The following RAG1 variants were observed in gnomAD, a reference collection of about 807,000 sequenced individuals.
RAG1 encodes the protein recombination activating 1.
In RAG1, 35 loss-of-function variants were observed where a neutral mutation model predicts 62.7. That is an observed-to-expected ratio of 0.56 (90% CI 0.43 to 0.74). RAG1 has a LOEUF of 0.74. Among genes scored for constraint, RAG1 ranks in the 30% least tolerant of loss-of-function variants. The pLI, the probability that RAG1 is intolerant of heterozygous loss-of-function variation, is 0.00. For missense variants in RAG1, 1,169 were observed against 1,278.6 expected (o/e 0.91, Z 1.31); for synonymous variants, 461 against 470.3 (o/e 0.98, Z 0.26).
At position 36,547,231 on chromosome 11, in the gene RAG1, G is replaced by T. The variant is rs532970177; in HGVS notation, c.-412+11197G>T. On this transcript the variant is annotated intron_variant and NMD_transcript_variant, in intron 3 of 9. Coordinates refer to the RAG1 transcript ENST00000534663. ...ATAATAAAAAGAACTAGAGAAGCAAGAACAAACAAATTCAAAAGTTAGCAG... is the reference window on the plus strand; with the variant it reads ...ATAATAAAAAGAACTAGAGAAGCAATAACAAACAAATTCAAAAGTTAGCAG... 2.6e-5 allele frequency among the ~76,000 whole-genome samples: 4 copies of T among 152,120 alleles called. No individual in the cohort carries two copies. The South Asian group carries it at 8.3e-4, about 32-fold the overall frequency.
chr11:36,513,506 G>A (rs1174750949), intron 1 of RAG1, among the ~76,000 whole-genome samples: 2 of 152,200 alleles, frequency 1.3e-5, no homozygotes, highest in Non-Finnish European at 2.9e-5. Context: ...CATTATAAGT[G>A]TGTGTGGCAG....
chr11:36,564,136 C>T (rs1287892125), upstream of RAG1, among the ~76,000 whole-genome samples: 7 of 152,204 alleles, frequency 4.6e-5, no homozygotes, highest in Non-Finnish European at 1.0e-4. Context: ...CAAATTTTCT[C>T]ATGAAGACAT....
intron 2 of RAG1, among the ~76,000 whole-genome samples, chr11:36,526,722 T>C (rs958228503): frequency 2.5e-4 from 38 of 152,220 alleles, no homozygotes; most frequent in Admixed American, 5.2e-4. Context: ...TTCCTATTTC[T>C]CCAAATCCTC....
At position 36,575,159 on chromosome 11, in the gene RAG1, C is replaced by T; in HGVS notation, c.1855C>T (p.Pro619Ser). ...SEKHGSGPVVPEKAVRFSFTI... is the reference protein window; with the variant it reads ...SEKHGSGPVVSEKAVRFSFTI... ...GAAGCATGGGAGTGGGCCTGTAGTTCCAGAAAAGGCAGTCCGTTTTTCATT... is the reference window on the plus strand; with the variant it reads ...GAAGCATGGGAGTGGGCCTGTAGTTTCAGAAAAGGCAGTCCGTTTTTCATT... The change falls in exon 2 of 2, where the codon CCA (proline) becomes TCA (serine). Residue 619 changes from proline (P) to serine (S), a missense_variant. Around this residue, in one of 2 missense-constraint regions of RAG1, gnomAD observed 800 missense variants for 943.3 expected, o/e 0.85. Coordinates refer to ENST00000299440, the MANE Select transcript of RAG1 (RefSeq NM_000448.3). This position sits in a 1 kb window ranked among gnomAD's most constrained non-coding sequence, Gnocchi z 4.1. 5.6e-6 allele frequency: 9 copies of T among 1,614,098 alleles called. No individual in the cohort carries two copies. Among genetic ancestry groups the T allele is most frequent in the Non-Finnish European group, 7.6e-6 (9 of 1,179,990 alleles).
chr11:36,571,689 A>G (rs545964429), intron 1 of RAG1, among the ~76,000 whole-genome samples: 77 of 152,244 alleles, frequency 5.1e-4, no homozygotes, highest in African/African-American at 1.9e-3. Context: ...ATCTTGGCCC[A>G]CTGCAATCTC....
At chr11:36,516,662 T>C (rs1860001456) in intron 1 of RAG1, among the ~76,000 whole-genome samples, 1 of 152,244 alleles carries the variant, frequency 6.6e-6, no homozygotes, top group African/African-American at 2.4e-5. Context: ...GTCAGATTAA[T>C]TCACCGAAGT....
At chr11:36,549,850 G>C (rs1850457097) in intron 3 of RAG1, among the ~76,000 whole-genome samples, 1 of 152,148 alleles carries the variant, frequency 6.6e-6, no homozygotes, top group Non-Finnish European at 1.5e-5. Flanking sequence ...CAATAGCAAA[G>C]ACTTGGAACC....
chr11:36,546,134 CT>C (rs1445047129), intron 3 of RAG1, among the ~76,000 whole-genome samples: 1 of 152,106 alleles, frequency 6.6e-6, no homozygotes, highest in African/African-American at 2.4e-5. Context: ...CGGGAATATC[CT>C]TGTTAATTTT....
intron 3 of RAG1, among the ~76,000 whole-genome samples, chr11:36,544,514 T>C (rs1564980995): frequency 6.6e-6 from 1 of 152,220 alleles, no homozygotes; most frequent in African/African-American, 2.4e-5. Flanking sequence ...TGTGCATCTT[T>C]CCAGAGATAT....
intron 1 of RAG1, among the ~76,000 whole-genome samples, chr11:36,515,708 G>A (rs922840041): frequency 6.6e-6 from 1 of 152,122 alleles, no homozygotes; most frequent in Non-Finnish European, 1.5e-5. Flanking sequence ...TGTGCAGGGA[G>A]GCTCCCGGGG....
chr11:36,559,632 T>C (rs1395342816), intron 3 of RAG1, among the ~76,000 whole-genome samples: 1 of 152,158 alleles, frequency 6.6e-6, no homozygotes, highest in Non-Finnish European at 1.5e-5. Context: ...AGAAGTTCTT[T>C]CTTTTGCTTG....
rs4151029 is a variant in RAG1, at chr11:36,574,044, G to A, written c.740G>A (p.Arg247His). The A allele has an allele frequency of 1.3e-4, 208 of 1,614,138 alleles. No individual in the cohort carries two copies. In the African/African-American group the frequency reaches 2.0e-3, roughly 15 times the overall value. ...GTGCTTGACCAAGCAAGACAAGCCC[G>A]TCAGCACAAGAGAAGAGCTCAGGCA... is the stretch of plus-strand genomic sequence containing the variant. The part of the protein sequence containing the change: ...KTVLDQARQA[R>H]QHKRRAQARI... The change falls in exon 2 of 2, where the codon CGT becomes CAT. Residue 247 changes from arginine (R) to histidine (H), a missense_variant. By Grantham distance (29) the Arg-to-His change is conservative. Transcript: ENST00000299440.
intron 3 of RAG1, among the ~76,000 whole-genome samples, chr11:36,561,669 C>G (rs893355311): frequency 3.3e-5 from 5 of 152,134 alleles, no homozygotes; most frequent in Non-Finnish European, 1.5e-5. Context: ...TTTTCTCTTT[C>G]TACCTGATTG....
chr11:36,576,229 G>T lies in RAG1; in HGVS notation c.2925G>T (p.Arg975=), dbSNP rs769430581. The change falls in exon 2 of 2, where the codon CGG becomes CGT. Residue 975 remains arginine, a synonymous_variant. Transcript: ENST00000299440. ...ESGNKLFRRF[R]KMNARQSKCY... ...GTAACAAACTGTTTAGGCGCTTCCG[G>T]AAAATGAATGCCAGGCAGTCCAAAT... The T allele has an allele frequency of 3.7e-6, 6 of 1,614,108 alleles. No homozygotes were observed. The Admixed American group carries it at 8.3e-5, about 22-fold the overall frequency.
intron 1 of RAG1, among the ~76,000 whole-genome samples, chr11:36,571,641 G>T (rs1348197853): frequency 6.6e-6 from 1 of 152,140 alleles, no homozygotes; most frequent in South Asian, 2.1e-4. Flanking sequence ...TTGAGACAGA[G>T]TCCTGCTCTG....
chr11:36,516,097 C>T (rs902127543), intron 1 of RAG1, among the ~76,000 whole-genome samples: 1 of 152,100 alleles, frequency 6.6e-6, no homozygotes, highest in East Asian at 1.9e-4. Flanking sequence ...TTAATTTTGC[C>T]GCTGTTCATC....
chr11:36,514,014 T>C (rs1377861054), intron 1 of RAG1, among the ~76,000 whole-genome samples: 2 of 152,224 alleles, frequency 1.3e-5, no homozygotes, highest in East Asian at 1.9e-4. Context: ...GAAGACATTG[T>C]AGCTTCTGTC....
chr11:36,535,093 T>C (rs1860306545), intron 2 of RAG1, among the ~76,000 whole-genome samples: 1 of 152,250 alleles, frequency 6.6e-6, no homozygotes, highest in African/African-American at 2.4e-5. Flanking sequence ...AGGTCTATCA[T>C]GTGATCAATT....
At chr11:36,524,891 CT>C (rs1860136588) in intron 2 of RAG1, among the ~76,000 whole-genome samples, 1 of 152,124 alleles carries the variant, frequency 6.6e-6, no homozygotes, top group Non-Finnish European at 1.5e-5. Context: ...GCAAAAATGT[CT>C]TTTCATATCA....
Sources: gnomAD v4.1 joint callset for allele counts (sites outside exome capture counted in the v4.1 genomes callset) on GRCh38, gnomAD v4.1.1 for gene constraint, gnomAD v4.1.1 regional missense constraint, Gnocchi (gnomAD v3.1) non-coding constraint, MANE v1.5 for transcripts, NCBI Gene and HGNC (gene_info 2026-07-23, HGNC 2026-07-21) for gene names.